Variants in SLC17A9 observed in about 807,000 individuals in gnomAD.
SLC17A9 encodes solute carrier family 17 member 9.
SLC17A9 carries 49 observed loss-of-function variants against 55.0 expected under a neutral mutation model. The observed-to-expected ratio is 0.89, with a 90% CI of 0.71 to 1.13. The LOEUF (loss-of-function observed/expected upper bound fraction) is 1.13. Among genes scored for constraint, SLC17A9 ranks in the 50% most tolerant of loss-of-function variants. SLC17A9 has a pLI of 0.00. For missense variants in SLC17A9, 526 were observed against 569.3 expected, an observed-to-expected ratio of 0.92 and a Z score of 0.77; for synonymous variants, 256 against 247.4, an observed-to-expected ratio of 1.03 and a Z score of -0.32.
chr20:62,957,650 G>C, intron 3 of SLC17A9, 70 bp downstream of exon 3: 1 of 1,359,820 alleles, frequency 7.4e-7, no homozygotes, highest in Non-Finnish European at 9.8e-7. Flanking sequence ...GGTGTGCACG[G>C]ATGTGTGTGC....
intron 5 of SLC17A9, 95 bp from the exon 6 acceptor site, chr20:62,963,178 A>T (rs1205205326): frequency 7.7e-7 from 1 of 1,298,514 alleles, no homozygotes; most frequent in Admixed American, 1.9e-5. Flanking sequence ...AGGCCTGCTG[A>T]CCCCTCTGGA....
chr20:62,966,899 G>T (rs1306884069), intron 12 of SLC17A9, 167 bp downstream of exon 12: 9 of 824,790 alleles, frequency 1.1e-5, no homozygotes, highest in Admixed American at 6.3e-5. Context: ...TGCCTTCCAG[G>T]TTCCACTGGA....
rs2065561857 is a variant in SLC17A9, at chr20:62,958,512, C to T, written c.397+932C>T. On this transcript the variant is annotated intron_variant, in intron 3 of 12. Coordinates refer to ENST00000370351, the MANE Select transcript of SLC17A9 (RefSeq NM_022082.4). The surrounding 1 kb of genome is among the most constrained non-coding windows in gnomAD (Gnocchi z 4.1). ...CTCCAGCCTGCAGGGGCCTGCTGGC[C>T]CCAACCCAGCCTGCCTGGCCACCCC... is the stretch of plus-strand genomic sequence containing the variant. 6.6e-6 allele frequency among the ~76,000 whole-genome samples: 1 copy of T among 152,048 alleles called. No individual in the cohort carries two copies. Among genetic ancestry groups the T allele is most frequent in the African/African-American group, 2.4e-5 (1 of 41,396 alleles).
intron 8 of SLC17A9, among the ~76,000 whole-genome samples, chr20:62,964,628 T>C (rs1392703310): frequency 6.6e-6 from 1 of 152,194 alleles, no homozygotes; most frequent in Admixed American, 6.5e-5. Flanking sequence ...CTTTGTTCCA[T>C]GTGCTCCAGA....
chr20:62,959,654 C>T (rs373186473), intron 3 of SLC17A9, among the ~76,000 whole-genome samples: 108 of 152,348 alleles, frequency 7.1e-4, no homozygotes, highest in African/African-American at 2.5e-3. Flanking sequence ...AGCGAGGGAA[C>T]GGGCCCTGCC....
chr20:62,965,059 C>T (rs377129385), intron 8 of SLC17A9, 73 bp from the exon 9 acceptor site: 29 of 1,576,600 alleles, frequency 1.8e-5, no homozygotes, highest in East Asian at 6.7e-5. Flanking sequence ...TGCAGCCATT[C>T]GGGATGGGAC....
chr20:62,960,273 A>C (rs1291678596), intron 3 of SLC17A9, among the ~76,000 whole-genome samples: 1 of 152,222 alleles, frequency 6.6e-6, no homozygotes, highest in East Asian at 1.9e-4. Context: ...GCTTGGAAGC[A>C]GGGGTGTTTC....
At chr20:62,965,009 T>C in intron 8 of SLC17A9, 123 bp from the exon 9 acceptor site, 1 of 1,128,260 alleles carries the variant, frequency 8.9e-7, no homozygotes, top group East Asian at 2.4e-5. Context: ...ACGGGATAGC[T>C]GTCTTGAGCC....
At position 62,968,998 on chromosome 20, in the gene SLC17A9, C is replaced by T. The variant is rs73316351; in HGVS notation, c.*1498C>T. 6,549 of 152,344 alleles carry T rather than the reference C, an allele frequency of 0.043. 209 individuals are homozygous for T. The highest frequency in any genetic ancestry group is 0.085 in the African/African-American group (3,540 of 41,550). 9.4% of individuals were successfully genotyped at this position (152,344 alleles called of 1,614,324 possible). On this transcript the variant is annotated 3_prime_UTR_variant, in exon 13 of 13. Transcript: ENST00000370351. ...GCCCAACCCTGTGGCACCATGGGTA[C>T]AGCCTAGAGCATCACCCCCACAGAG...
At chr20:62,965,569 C>G (rs574029259) in intron 9 of SLC17A9, 41 bp from the exon 10 acceptor site, 6 of 1,572,024 alleles carry the variant, frequency 3.8e-6, no homozygotes, top group Middle Eastern at 2.0e-4. Flanking sequence ...CTGCTGCAGG[C>G]GGGCTGGGTG....
rs200680242 is a variant in SLC17A9 at position 62,955,462 on chromosome 20, GTT to G, written c.60-1295_60-1294del. ...TGCCCGGCCCTGGCTAATTTTTAAA[GTT>G]TTTTTTTGTTTTGTTTTGTTTTTTT... On this transcript the variant is annotated intron_variant, in intron 1 of 12. Coordinates refer to ENST00000370351, the MANE Select transcript of SLC17A9 (RefSeq NM_022082.4). Among the ~76,000 whole-genome samples, 3 of 151,618 alleles carry G rather than the reference GTT, an allele frequency of 2.0e-5. No individual in the cohort carries two copies. The East Asian group carries it at 5.8e-4, about 29-fold the overall frequency.
chr20:62,956,168 T>A (rs1237413901), intron 1 of SLC17A9, among the ~76,000 whole-genome samples: 1 of 152,204 alleles, frequency 6.6e-6, no homozygotes, highest in African/African-American at 2.4e-5. Context: ...GGCCTGGCTC[T>A]GTGACCTCGG....
chr20:62,965,178 A>G lies in SLC17A9; in HGVS notation c.945+12A>G, dbSNP rs779975539. ...GGAAGCTCATGCAGGTAGGAGAATC[A>G]TTCCGGTCGTTCTCTCTGGATATCC... On this transcript the variant is annotated intron_variant, in intron 9 of 12. Coordinates refer to ENST00000370351, the MANE Select transcript of SLC17A9 (RefSeq NM_022082.4). 3 of 1,614,112 alleles carry G rather than the reference A, an allele frequency of 1.9e-6. No homozygotes were observed. The highest frequency in any genetic ancestry group is 2.2e-5 in the South Asian group (2 of 91,086).
chr20:62,955,129 GT>G (rs963528839), intron 1 of SLC17A9, among the ~76,000 whole-genome samples: 14 of 149,902 alleles, frequency 9.3e-5, no homozygotes, highest in African/African-American at 2.9e-4. Flanking sequence ...GCTAATTGTT[GT>G]TTTTTTTTCT....
At chr20:62,964,923 G>A (rs1470926219) in intron 8 of SLC17A9, 5 of 582,304 alleles carry the variant, frequency 8.6e-6, no homozygotes, top group Non-Finnish European at 1.5e-5. Context: ...CCACGCCTTG[G>A]GAACCTTCCA....
rs1179836596 is a variant in SLC17A9, at chr20:62,964,204, C to G, written c.823-24C>G. On this transcript the variant is annotated intron_variant, in intron 7 of 12. Coordinates refer to ENST00000370351, the MANE Select transcript of SLC17A9 (RefSeq NM_022082.4). ...GGCCAGATGCCGGCCCTGGCCCCCT[C>G]TAAGGCCAAACTCCCCCCTGCAGGG... 27 of 1,613,428 alleles carry G rather than the reference C, an allele frequency of 1.7e-5. No homozygotes were observed. In the Admixed American group the frequency reaches 4.3e-4, roughly 26 times the overall value.
chr20:62,967,005 G>T, intron 12 of SLC17A9: 1 of 576,010 alleles, frequency 1.7e-6, no homozygotes, highest in Non-Finnish European at 3.0e-6. Flanking sequence ...ACACCTCCTG[G>T]CCCCGCTGAG....
intron 12 of SLC17A9, 61 bp from the exon 13 acceptor site, chr20:62,967,276 G>A: frequency 6.3e-7 from 1 of 1,596,250 alleles, no homozygotes; most frequent in East Asian, 2.2e-5. Flanking sequence ...GGGAACCAGG[G>A]TGGGGTGTGG....
chr20:62,952,920 G>GCCC, intron 1 of SLC17A9, 31 bp downstream of exon 1: 1 of 370,426 alleles, frequency 2.7e-6, no homozygotes, highest in Non-Finnish European at 5.3e-6. Flanking sequence ...GGGGGGGTGG[G>GCCC]AGCGGTGGAG....
Sources: allele counts gnomAD v4.1 joint callset (sites outside exome capture counted in the v4.1 genomes callset), GRCh38; gene constraint gnomAD v4.1.1; non-coding constraint Gnocchi (gnomAD v3.1); transcripts MANE v1.5; gene names NCBI Gene and HGNC (gene_info 2026-07-23, HGNC 2026-07-21).